CHODL: variants seen among roughly 807,000 people sequenced by gnomAD.
CHODL encodes the protein chondrolectin.
A neutral mutation model predicts 34.5 loss-of-function variants in CHODL; 29 were observed. That is an observed-to-expected ratio of 0.84 (90% CI 0.63 to 1.15). The LOEUF (loss-of-function observed/expected upper bound fraction) is 1.15. CHODL is among the 50% of genes most tolerant of loss of function. CHODL has a pLI of 0.00. For synonymous variants in CHODL, 125 were observed against 116.1 expected, an observed-to-expected ratio of 1.08 and a Z score of -0.49; for missense variants, 332 against 332.5, an observed-to-expected ratio of 1.00 and a Z score of 0.01.
At chr21:18,205,457 T>G (rs2073701517) in intron 2 of CHODL, among the ~76,000 whole-genome samples, 2 of 146,406 alleles carry the variant, frequency 1.4e-5, no homozygotes, top group South Asian at 4.3e-4. Context: ...GATAATGATT[T>G]ATTTATTTCT....
chr21:18,100,824 T>C (rs1319714763), intron 2 of CHODL, among the ~76,000 whole-genome samples: 1 of 152,138 alleles, frequency 6.6e-6, no homozygotes, highest in Non-Finnish European at 1.5e-5. Context: ...TTATATACTG[T>C]ATGTGAAAAA....
chr21:18,087,614 A>C (rs1458638682), intron 2 of CHODL, among the ~76,000 whole-genome samples: 1 of 152,102 alleles, frequency 6.6e-6, no homozygotes, highest in African/African-American at 2.4e-5. Context: ...GTCAGCTTAA[A>C]CTCAGCCTGA....
chr21:18,170,546 G>T (rs1245861311), intron 2 of CHODL, among the ~76,000 whole-genome samples: 1 of 151,980 alleles, frequency 6.6e-6, no homozygotes, highest in African/African-American at 2.4e-5. Flanking sequence ...TTAATTCCTT[G>T]TAATTTCCGT....
At chr21:18,235,372 G>T (rs1189752505) in intron 2 of CHODL, among the ~76,000 whole-genome samples, 1 of 151,852 alleles carries the variant, frequency 6.6e-6, no homozygotes, top group Non-Finnish European at 1.5e-5. Context: ...AACATTGGAA[G>T]AAAATTTAAA....
At chr21:18,235,928 G>A (rs955289834) in intron 2 of CHODL, among the ~76,000 whole-genome samples, 1 of 152,262 alleles carries the variant, frequency 6.6e-6, no homozygotes, top group South Asian at 2.1e-4. Context: ...GATTTAGAAT[G>A]TCCAGTGTAT....
intron 2 of CHODL, among the ~76,000 whole-genome samples, chr21:18,178,789 G>C (rs981851498): frequency 4.6e-5 from 7 of 152,116 alleles, no homozygotes; most frequent in African/African-American, 1.7e-4. Flanking sequence ...AAGAAAATCT[G>C]TATATAAATG....
At chr21:18,138,700 A>T (rs1041788549) in intron 2 of CHODL, among the ~76,000 whole-genome samples, 3 of 152,200 alleles carry the variant, frequency 2.0e-5, no homozygotes, top group African/African-American at 7.2e-5. Flanking sequence ...CTGGAACTGC[A>T]GCCAGCGACT....
chr21:17,966,934 G>A (rs1403219869), intron 1 of CHODL, among the ~76,000 whole-genome samples: 1 of 149,854 alleles, frequency 6.7e-6, no homozygotes, highest in East Asian at 2.0e-4. Flanking sequence ...TGCCCAGGTT[G>A]GAGTGCAGTG....
chr21:18,119,906 T>G (rs1173353350), intron 2 of CHODL, among the ~76,000 whole-genome samples: 1 of 152,162 alleles, frequency 6.6e-6, no homozygotes, highest in Non-Finnish European at 1.5e-5. Context: ...CCTCCGATTT[T>G]GATTTTGTAG....
chr21:18,190,691 T>C (rs2073500399), intron 2 of CHODL, among the ~76,000 whole-genome samples: 1 of 152,194 alleles, frequency 6.6e-6, no homozygotes, highest in Non-Finnish European at 1.5e-5. Flanking sequence ...ATTTCCTCTC[T>C]GCAGTGGTTT....
chr21:17,982,431 C>A (rs1302853408), intron 1 of CHODL, among the ~76,000 whole-genome samples: 2 of 151,976 alleles, frequency 1.3e-5, no homozygotes, highest in African/African-American at 4.8e-5. Flanking sequence ...TTGCTTTGGG[C>A]ACGAACAATA....
At chr21:18,029,003 G>A (rs912660036) in intron 2 of CHODL, among the ~76,000 whole-genome samples, 4 of 152,134 alleles carry the variant, frequency 2.6e-5, no homozygotes, top group African/African-American at 4.8e-5. Flanking sequence ...GAAAAATTAT[G>A]AAGTGAGCTT....
chr21:18,091,017 CAG>C (rs1466619448), intron 2 of CHODL, among the ~76,000 whole-genome samples: 2 of 152,338 alleles, frequency 1.3e-5, no homozygotes, highest in East Asian at 3.9e-4. Context: ...GTCTGGCCTG[CAG>C]AGAGACTCTG....
At chr21:18,184,633 A>G (rs1195355982) in intron 2 of CHODL, among the ~76,000 whole-genome samples, 1 of 152,214 alleles carries the variant, frequency 6.6e-6, no homozygotes, top group African/African-American at 2.4e-5. Context: ...AGGGCTGGAC[A>G]ATGCCCAGTA....
intron 2 of CHODL, among the ~76,000 whole-genome samples, chr21:18,093,027 C>T (rs1041468625): frequency 1.3e-5 from 2 of 152,116 alleles, no homozygotes; most frequent in Admixed American, 6.5e-5. Flanking sequence ...AAGAAGACTA[C>T]ATATAGGAAT....
chr21:18,183,628 G>C (rs1400750175), intron 2 of CHODL, among the ~76,000 whole-genome samples: 1 of 152,148 alleles, frequency 6.6e-6, no homozygotes, highest in Non-Finnish European at 1.5e-5. Flanking sequence ...GAAAAAGAAG[G>C]AAGTAAGGCT....
At chr21:18,239,019 G>C (rs1343494063) in intron 2 of CHODL, among the ~76,000 whole-genome samples, 1 of 151,942 alleles carries the variant, frequency 6.6e-6, no homozygotes, top group Non-Finnish European at 1.5e-5. Flanking sequence ...CCATTCTTTG[G>C]AGAGAAATAT....
chr21:18,217,271 G>C (rs570590844), intron 2 of CHODL, among the ~76,000 whole-genome samples: 28 of 152,248 alleles, frequency 1.8e-4, no homozygotes, highest in African/African-American at 6.3e-4. Flanking sequence ...CTGAGACTGA[G>C]TAATTCATAT....
At chr21:17,970,045 CT>C (rs1207330344) in intron 1 of CHODL, among the ~76,000 whole-genome samples, 1 of 152,140 alleles carries the variant, frequency 6.6e-6, no homozygotes, top group Non-Finnish European at 1.5e-5. Flanking sequence ...CTGGGTGCAG[CT>C]TCTCTATTGG....
Sources: allele counts gnomAD v4.1 joint callset (sites outside exome capture counted in the v4.1 genomes callset), GRCh38; gene constraint gnomAD v4.1.1; transcripts MANE v1.5; gene names NCBI Gene and HGNC (gene_info 2026-07-23, HGNC 2026-07-21).